Variants in LRFN5 observed in about 807,000 individuals in gnomAD.
The protein encoded by LRFN5 is leucine rich repeat and fibronectin type III domain containing 5.
In LRFN5, 24 loss-of-function variants were observed where a neutral mutation model predicts 45.6. The ratio of observed to expected loss-of-function variants is 0.53; its 90% CI spans 0.38 to 0.74. The LOEUF (loss-of-function observed/expected upper bound fraction) is 0.74, where lower values mean the gene tolerates loss of function less well. LRFN5 is among the 30% of genes least tolerant of loss of function. The pLI is 0.00. For synonymous variants in LRFN5, 340 were observed against 313.8 expected (o/e 1.08, Z -0.88); for missense variants, 776 against 861.5 (o/e 0.90, Z 1.24).
intron 1 of LRFN5, among the ~76,000 whole-genome samples, chr14:41,697,728 T>C (rs1322814388): frequency 6.6e-6 from 1 of 151,720 alleles, no homozygotes; most frequent in African/African-American, 2.4e-5. Flanking sequence ...TCCTCCTACT[T>C]AAGATATGAC....
chr14:41,637,053 A>G (rs887104331), intron 1 of LRFN5, among the ~76,000 whole-genome samples: 1 of 152,214 alleles, frequency 6.6e-6, no homozygotes, highest in African/African-American at 2.4e-5. Context: ...ATTCCACAAG[A>G]GAGACATGAA....
intron 1 of LRFN5, among the ~76,000 whole-genome samples, chr14:41,687,922 A>G (rs868021222): frequency 6.6e-6 from 1 of 152,214 alleles, no homozygotes. Context: ...CTGTACATGT[A>G]TCCCCCTTTT....
At chr14:41,870,116 G>A (rs1407298842) in intron 2 of LRFN5, among the ~76,000 whole-genome samples, 2 of 152,022 alleles carry the variant, frequency 1.3e-5, no homozygotes, top group Admixed American at 6.6e-5. Flanking sequence ...AAATGTATTG[G>A]CCTGGTTGAG....
intron 2 of LRFN5, among the ~76,000 whole-genome samples, chr14:41,822,421 G>A (rs576158815): frequency 1.3e-5 from 2 of 152,056 alleles, no homozygotes; most frequent in East Asian, 3.9e-4. Context: ...TCATTCAAGA[G>A]CAGGTTGTTT....
intron 1 of LRFN5, among the ~76,000 whole-genome samples, chr14:41,616,353 G>C (rs999425292): frequency 2.0e-5 from 3 of 152,088 alleles, no homozygotes; most frequent in Non-Finnish European, 4.4e-5. Flanking sequence ...TTAAGTCACA[G>C]AAGCCAAAAT....
chr14:41,862,861 CTTTT>C (rs536861522), intron 2 of LRFN5, among the ~76,000 whole-genome samples: 1,382 of 110,228 alleles, frequency 0.013, 27 homozygotes, highest in Admixed American at 0.063. Flanking sequence ...TTAAGTCTCT[CTTTT>C]TTTTTTTTTT....
rs142714911 is a variant in LRFN5 at position 41,869,030 on chromosome 14, A to T, written c.-20-17576A>T. Among the ~76,000 whole-genome samples, 295 of 152,312 alleles carry T rather than the reference A, an allele frequency of 1.9e-3. 2 individuals carry two copies. Among genetic ancestry groups the T allele is most frequent in the African/African-American group, 5.1e-3 (212 of 41,578 alleles). The stretch of plus-strand genomic sequence containing the variant: ...ATATGTCCTTGGTTTTGAAATTTAT[A>T]TATAAATAAAATCCAGAGTATTCAC... On this transcript the variant is annotated intron_variant, in intron 2 of 5. Coordinates refer to ENST00000298119, the MANE Select transcript of LRFN5 (RefSeq NM_152447.5).
chr14:41,700,011 A>T (rs1273493519), intron 1 of LRFN5: 1 of 152,124 alleles, frequency 6.6e-6, no homozygotes, highest in Non-Finnish European at 1.5e-5. Flanking sequence ...ACTCAGGAAA[A>T]AATGATCAGT....
intron 1 of LRFN5, among the ~76,000 whole-genome samples, chr14:41,686,856 T>C (rs1882146133): frequency 6.6e-6 from 1 of 152,192 alleles, no homozygotes; most frequent in African/African-American, 2.4e-5. Context: ...CTAGATTCAG[T>C]TTGCCAGTAT....
chr14:41,759,615 A>C (rs1244812654), intron 1 of LRFN5, among the ~76,000 whole-genome samples: 1 of 152,132 alleles, frequency 6.6e-6, no homozygotes, highest in Admixed American at 6.6e-5. Flanking sequence ...TGCACTTAGT[A>C]GTTGGTCATT....
In LRFN5 at chr14:41,726,624, A is replaced by AT. The variant is rs569532367; in HGVS notation, c.-196-40223dup. On this transcript the variant is annotated intron_variant, in intron 1 of 5. Transcript: ENST00000298119. ...CCATGAACAAAATAATGGTTCATAT[A>AT]TTTTTTTCTATTTTTTTTGACTTTT... 1.6e-4 allele frequency among the ~76,000 whole-genome samples: 17 copies of AT among 108,918 alleles called. No individual in the cohort carries two copies. The East Asian group carries it at 3.2e-3, about 21-fold the overall frequency. The allele number at this position is 108,918 out of a possible 152,430, so 71.5% of individuals were successfully genotyped here. A position where few individuals can be genotyped will look rare whatever the true frequency, so the allele number is the denominator to read the frequency against.
chr14:41,786,244 G>C (rs150432842), intron 2 of LRFN5, among the ~76,000 whole-genome samples: 1 of 151,942 alleles, frequency 6.6e-6, no homozygotes, highest in African/African-American at 2.4e-5. Context: ...GTATGACTTC[G>C]TTCTATCTAG....
chr14:41,664,171 A>G (rs1283916236), intron 1 of LRFN5, among the ~76,000 whole-genome samples: 1 of 152,030 alleles, frequency 6.6e-6, no homozygotes, highest in Non-Finnish European at 1.5e-5. Context: ...TAAAAATTAT[A>G]ATAAGAATTT....
chr14:41,671,617 G>GTTTTTTTTTTTGTTTTTTTTTTT (rs1881225927), intron 1 of LRFN5, among the ~76,000 whole-genome samples: 1 of 78,020 alleles, frequency 1.3e-5, no homozygotes, highest in Non-Finnish European at 2.3e-5. Context: ...TTTTTTTTTC[G>GTTTTTTTTTTTGTTTTTTTTTTT]TTTTTTTTTT....
chr14:41,848,143 C>G (rs1889132526), intron 2 of LRFN5, among the ~76,000 whole-genome samples: 1 of 152,040 alleles, frequency 6.6e-6, no homozygotes, highest in South Asian at 2.1e-4. Context: ...AAAATCCCTT[C>G]CCAATATTAA....
chr14:41,855,813 C>T (rs1036820249), intron 2 of LRFN5, among the ~76,000 whole-genome samples: 1 of 152,118 alleles, frequency 6.6e-6, no homozygotes, highest in African/African-American at 2.4e-5. Context: ...ACTGTTTTAC[C>T]TCTTAGGATC....
intron 2 of LRFN5, among the ~76,000 whole-genome samples, chr14:41,865,639 T>TAA (rs1420588890): frequency 6.6e-6 from 1 of 152,212 alleles, no homozygotes; most frequent in Non-Finnish European, 1.5e-5. Context: ...TAAGCAATTA[T>TAA]ATTTAACTGC....
rs116589960 is a variant in LRFN5 at position 41,851,587 on chromosome 14, T to C, written c.-20-35019T>C. On this transcript the variant is annotated intron_variant, in intron 2 of 5. Coordinates refer to ENST00000298119, the MANE Select transcript of LRFN5 (RefSeq NM_152447.5). ...AATTTAAATTAAACATGTACATCTG[T>C]TCAGTGTGGAAACTTATGGTGGTTG... Among the ~76,000 whole-genome samples the C allele has an allele frequency of 1.8e-3, 278 of 151,922 alleles. 3 individuals are homozygous for C. The highest frequency in any genetic ancestry group is 6.6e-3 in the African/African-American group (272 of 41,510).
intron 1 of LRFN5, among the ~76,000 whole-genome samples, chr14:41,678,277 T>C (rs2138679217): frequency 6.6e-6 from 1 of 151,714 alleles, no homozygotes; most frequent in African/African-American, 2.4e-5. Context: ...TACATATACA[T>C]ATATATATAT....
Sources: allele counts gnomAD v4.1 joint callset (sites outside exome capture counted in the v4.1 genomes callset), GRCh38; gene constraint gnomAD v4.1.1; transcripts MANE v1.5; gene names NCBI Gene and HGNC (gene_info 2026-07-23, HGNC 2026-07-21).